Variants in DCDC1 observed in about 807,000 individuals in gnomAD.
DCDC1 encodes doublecortin domain-containing protein 1.
In DCDC1, 200 loss-of-function variants were observed where a neutral mutation model predicts 178.3. The observed-to-expected ratio is 1.12, with a 90% CI of 1.00 to 1.26. The LOEUF (loss-of-function observed/expected upper bound fraction) is 1.26. DCDC1 is among the 50% of genes most tolerant of loss of function. DCDC1 has a pLI of 0.00. For missense variants in DCDC1, 1,983 were observed against 1,749.2 expected (o/e 1.13, Z -2.38); for synonymous variants, 690 against 604.8 (o/e 1.14, Z -2.07).
At chr11:31,088,584 G>A (rs1423912448) in intron 17 of DCDC1, among the ~76,000 whole-genome samples, 1 of 151,916 alleles carries the variant, frequency 6.6e-6, no homozygotes, top group Non-Finnish European at 1.5e-5. Flanking sequence ...TTCTCTCCTA[G>A]TGGCATTTGT....
intron 1 of DCDC1, among the ~76,000 whole-genome samples, chr11:31,359,666 G>A (rs1358662956): frequency 6.6e-6 from 1 of 152,154 alleles, no homozygotes; most frequent in Non-Finnish European, 1.5e-5. Context: ...CACTGGGACT[G>A]GATCACAAAG....
chr11:30,984,874 G>A (rs558772104), intron 20 of DCDC1, among the ~76,000 whole-genome samples: 4 of 152,146 alleles, frequency 2.6e-5, no homozygotes, highest in Non-Finnish European at 5.9e-5. Context: ...GACTGGAGAA[G>A]GAGAAAACTG....
At chr11:31,187,407 A>G (rs158149) in intron 9 of DCDC1, among the ~76,000 whole-genome samples, 85,863 of 152,002 alleles carry the variant, frequency 0.56, 25,181 homozygotes, top group East Asian at 0.93. Context: ...TAAATTGGAA[A>G]GCACTGGCAA....
chr11:30,931,713 C>A, intron 22 of DCDC1, 58 bp downstream of exon 22: 1 of 1,472,132 alleles, frequency 6.8e-7, no homozygotes, highest in East Asian at 2.4e-5. Context: ...TAATTAAGAA[C>A]ACAAAATCTG....
At chr11:31,196,896 C>T (rs1193281655) in intron 9 of DCDC1, among the ~76,000 whole-genome samples, 1 of 152,058 alleles carries the variant, frequency 6.6e-6, no homozygotes, top group African/African-American at 2.4e-5. Flanking sequence ...GGGACCCCAG[C>T]CACAAATCAT....
chr11:30,913,090 G>T (rs1321121422), intron 27 of DCDC1, among the ~76,000 whole-genome samples: 5 of 152,156 alleles, frequency 3.3e-5, no homozygotes, highest in Non-Finnish European at 7.4e-5. Flanking sequence ...GACATATATT[G>T]TTCTGAATCA....
chr11:31,067,230 A>G (rs1038553563), intron 18 of DCDC1, among the ~76,000 whole-genome samples: 7 of 152,092 alleles, frequency 4.6e-5, no homozygotes, highest in Non-Finnish European at 8.8e-5. Context: ...TATATAAAGA[A>G]CTCTTATACT....
chr11:31,081,371 A>T (rs1005953649), intron 17 of DCDC1, among the ~76,000 whole-genome samples: 1 of 152,202 alleles, frequency 6.6e-6, no homozygotes, highest in African/African-American at 2.4e-5. Flanking sequence ...GCACTTTGGG[A>T]GGCCGAGGCG....
intron 8 of DCDC1, chr11:31,262,947 A>C: frequency 7.7e-7 from 1 of 1,292,138 alleles, no homozygotes; most frequent in Non-Finnish European, 1.1e-6. Context: ...ATAAGGATGC[A>C]AAAACAGAGG....
At position 31,036,401 on chromosome 11, in the gene DCDC1, A is replaced by T. The variant is rs145418069; in HGVS notation, c.2591+28068T>A. Among the ~76,000 whole-genome samples the T allele has an allele frequency of 1.9e-4, 29 of 152,282 alleles. No individual in the cohort carries two copies. In the East Asian group the frequency reaches 3.1e-3, roughly 16 times the overall value. On this transcript the variant is annotated intron_variant, in intron 20 of 38. Coordinates refer to ENST00000684477, the MANE Select transcript of DCDC1 (RefSeq NM_001387274.1). ...GTTCTCCTGAACATTACTTAGAGAT[A>T]ATCATCATCAGTATCATTTTGAAAA...
At chr11:31,158,730 C>A (rs530692564) in intron 9 of DCDC1, among the ~76,000 whole-genome samples, 2 of 152,242 alleles carry the variant, frequency 1.3e-5, no homozygotes, top group South Asian at 4.1e-4. Flanking sequence ...AATATGCACA[C>A]CAACTGCAAC....
At chr11:30,895,162 C>G (rs1164086022) in intron 34 of DCDC1, among the ~76,000 whole-genome samples, 1 of 152,184 alleles carries the variant, frequency 6.6e-6, no homozygotes, top group Non-Finnish European at 1.5e-5. Flanking sequence ...AATGCTTTCT[C>G]TTGTATCTTC....
intron 15 of DCDC1, among the ~76,000 whole-genome samples, chr11:31,100,293 A>G (rs904897433): frequency 2.0e-5 from 3 of 152,226 alleles, no homozygotes; most frequent in African/African-American, 7.2e-5. Context: ...CCATTCATCA[A>G]ATATGTATTG....
chr11:31,263,203 T>A (rs2137087408), intron 8 of DCDC1: 2 of 825,350 alleles, frequency 2.4e-6, no homozygotes, highest in East Asian at 5.7e-5. Context: ...ATCTGATGTT[T>A]TAATTCCAGG....
intron 20 of DCDC1, among the ~76,000 whole-genome samples, chr11:31,017,050 T>C (rs1483576032): frequency 6.6e-6 from 1 of 152,228 alleles, no homozygotes; most frequent in Non-Finnish European, 1.5e-5. Context: ...TGTGAATATG[T>C]ATTTATTTGC....
intron 10 of DCDC1, among the ~76,000 whole-genome samples, chr11:31,128,194 TA>T: frequency 6.6e-6 from 1 of 152,054 alleles, no homozygotes; most frequent in Non-Finnish European, 1.5e-5. Context: ...TACAATTTTC[TA>T]AAATGTATAT....
chr11:31,334,536 T>C lies in DCDC1; in HGVS notation c.-7+911A>G, dbSNP rs181157750. 3.0e-3 allele frequency among the ~76,000 whole-genome samples: 452 copies of C among 152,328 alleles called. 2 individuals carry two copies. Among genetic ancestry groups the C allele is most frequent in the African/African-American group, 1.0e-2 (415 of 41,578 alleles). On this transcript the variant is annotated intron_variant, in intron 2 of 38. Coordinates refer to ENST00000684477, the MANE Select transcript of DCDC1 (RefSeq NM_001387274.1). ...TGTGGTTTTATCTACCTTTGGTCTT[T>C]GATGTTGGTGACCTACAGATGGGGT... is the stretch of plus-strand genomic sequence containing the variant.
chr11:31,284,401 A>C (rs1946670469), intron 7 of DCDC1, among the ~76,000 whole-genome samples: 1 of 152,136 alleles, frequency 6.6e-6, no homozygotes, highest in Admixed American at 6.6e-5. Context: ...CTTGACTAGA[A>C]GACTTCATAA....
chr11:31,216,186 T>G (rs1451671097), intron 9 of DCDC1, among the ~76,000 whole-genome samples: 3 of 152,156 alleles, frequency 2.0e-5, no homozygotes, highest in Non-Finnish European at 2.9e-5. Context: ...TTGCAACTAT[T>G]AATATGAATA....
Sources: gnomAD v4.1 joint callset for allele counts (sites outside exome capture counted in the v4.1 genomes callset) on GRCh38, gnomAD v4.1.1 for gene constraint, MANE v1.5 for transcripts, NCBI Gene and HGNC (gene_info 2026-07-23, HGNC 2026-07-21) for gene names.